NTM: variants seen among roughly 807,000 people sequenced by gnomAD.
NTM encodes the protein neurotrimin.
Under a neutral mutation model 42.1 loss-of-function variants are expected in NTM, and 13 were observed. That is an observed-to-expected ratio of 0.31 (90% confidence interval 0.20 to 0.49). NTM has a LOEUF of 0.49. Among genes scored for constraint, NTM ranks in the 20% least tolerant of loss-of-function variants. The pLI is 0.99. For synonymous variants in NTM, 187 were observed against 179.2 expected (o/e 1.04, Z -0.35); for missense variants, 373 against 452.8 (o/e 0.82, Z 1.60).
At chr11:131,994,969 C>G (rs554372960) in intron 2 of NTM, among the ~76,000 whole-genome samples, 8 of 152,054 alleles carry the variant, frequency 5.3e-5, no homozygotes, top group African/African-American at 1.9e-4. Context: ...TTTGTAATGT[C>G]TTTTATCTGC....
chr11:131,864,353 C>CT (rs2136993779), intron 1 of NTM, among the ~76,000 whole-genome samples: 1 of 152,318 alleles, frequency 6.6e-6, no homozygotes, highest in African/African-American at 2.4e-5. Context: ...CAGGATTCTC[C>CT]TGCTGCTGGA....
chr11:131,842,421 G>A (rs1323028396), intron 1 of NTM, among the ~76,000 whole-genome samples: 1 of 152,148 alleles, frequency 6.6e-6, no homozygotes, highest in African/African-American at 2.4e-5. Context: ...AGTTTTGCAA[G>A]TCGTGGTTTC....
At chr11:132,332,771 C>T (rs565376071) in intron 8 of NTM, 5 of 152,244 alleles carry the variant, frequency 3.3e-5, no homozygotes, top group South Asian at 2.1e-4. Flanking sequence ...ATGGTAACTA[C>T]GCCAGGCCCC....
chr11:131,608,793 T>C (rs2061224289), intron 1 of NTM, among the ~76,000 whole-genome samples: 1 of 152,210 alleles, frequency 6.6e-6, no homozygotes. Context: ...CTTTCTCTGA[T>C]ATTTTCTGGC....
intron 1 of NTM, among the ~76,000 whole-genome samples, chr11:131,723,047 C>T (rs1376517158): frequency 6.6e-6 from 1 of 152,188 alleles, no homozygotes; most frequent in Non-Finnish European, 1.5e-5. Context: ...GTGTGCCATC[C>T]AGGGCCACAT....
intron 7 of NTM, among the ~76,000 whole-genome samples, chr11:132,327,386 C>G (rs889098400): frequency 1.3e-5 from 2 of 152,204 alleles, no homozygotes; most frequent in African/African-American, 4.8e-5. Flanking sequence ...CTAAAGTAAA[C>G]TCTGTATATC....
intron 1 of NTM, among the ~76,000 whole-genome samples, chr11:131,743,874 C>T (rs777606924): frequency 5.3e-5 from 8 of 152,098 alleles, no homozygotes; most frequent in Non-Finnish European, 1.2e-4. Flanking sequence ...CATATTTTAC[C>T]ATTTAGTCTA....
chr11:131,734,068 G>A (rs1263611647), intron 1 of NTM, among the ~76,000 whole-genome samples: 1 of 152,128 alleles, frequency 6.6e-6, no homozygotes, highest in African/African-American at 2.4e-5. Flanking sequence ...AGACTGCAGT[G>A]GGGCACAGAT....
At chr11:132,078,782 T>A (rs2058674833) in intron 2 of NTM, among the ~76,000 whole-genome samples, 1 of 152,252 alleles carries the variant, frequency 6.6e-6, no homozygotes. Flanking sequence ...ACTTAACTCA[T>A]CAAAATGTTG....
rs2086275340 is a variant in NTM at position 132,226,353 on chromosome 11, A to AGATG, written c.526+14206_526+14207insGATG. On this transcript the variant is annotated intron_variant, in intron 4 of 8. Transcript: ENST00000683400. ...ACAGTGTAAATGTTCCTATTTCTCCACATCCTCTCTAGCATCTGTTGTTTC... is the reference window on the plus strand; with the variant it reads ...ACAGTGTAAATGTTCCTATTTCTCCAGATGCATCCTCTCTAGCATCTGTTGTTTC... 2.6e-5 allele frequency among the ~76,000 whole-genome samples: 4 copies of AGATG among 152,156 alleles called. No homozygotes were observed. In the South Asian group the frequency reaches 6.2e-4, roughly 24 times the overall value.
chr11:131,822,535 C>G (rs762535149), intron 1 of NTM, among the ~76,000 whole-genome samples: 2 of 152,158 alleles, frequency 1.3e-5, no homozygotes, highest in Admixed American at 1.3e-4. Context: ...ACAGAGGGAG[C>G]TTTTCTTCCT....
chr11:131,627,087 A>G lies in NTM; in HGVS notation c.82+256199A>G, dbSNP rs552311147. 7.2e-5 allele frequency among the ~76,000 whole-genome samples: 11 copies of G among 152,350 alleles called. No homozygotes were observed. The South Asian group carries it at 2.1e-3, about 29-fold the overall frequency. ...GAGATTAATTGATGCTAAAAGACACAGTTTGATGTGGCAATGAAATTTCGA... is the reference window on the plus strand; with the variant it reads ...GAGATTAATTGATGCTAAAAGACACGGTTTGATGTGGCAATGAAATTTCGA... On this transcript the variant is annotated intron_variant, in intron 1 of 8. Transcript: ENST00000683400.
intron 2 of NTM, among the ~76,000 whole-genome samples, chr11:131,938,071 C>T (rs77452782): frequency 0.075 from 11,365 of 152,222 alleles, 520 homozygotes; most frequent in South Asian, 0.21. Flanking sequence ...GTGCTTACTA[C>T]GCACTGGACA....
At chr11:131,810,004 C>T (rs573139766) in intron 1 of NTM, among the ~76,000 whole-genome samples, 19 of 152,300 alleles carry the variant, frequency 1.2e-4, no homozygotes, top group African/African-American at 4.6e-4. Flanking sequence ...ATTAAAACTC[C>T]CTCCAGATGG....
intron 4 of NTM, among the ~76,000 whole-genome samples, chr11:132,272,276 G>A (rs568375756): frequency 6.6e-6 from 1 of 151,966 alleles, no homozygotes. Flanking sequence ...CTGGATTACT[G>A]TAGCTTTATA....
At chr11:131,894,632 G>T (rs1391962988) in intron 1 of NTM, among the ~76,000 whole-genome samples, 1 of 152,102 alleles carries the variant, frequency 6.6e-6, no homozygotes, top group Non-Finnish European at 1.5e-5. Context: ...AGCACCAGTT[G>T]TGTTTGTTCA....
At chr11:131,845,879 C>T (rs997326520) in intron 1 of NTM, among the ~76,000 whole-genome samples, 1 of 151,950 alleles carries the variant, frequency 6.6e-6, no homozygotes, top group African/African-American at 2.4e-5. Context: ...TGGTATTATC[C>T]TCTTCTGGTT....
At chr11:132,080,791 G>A (rs1458838221) in intron 2 of NTM, among the ~76,000 whole-genome samples, 1 of 152,186 alleles carries the variant, frequency 6.6e-6, no homozygotes, top group African/African-American at 2.4e-5. Context: ...ACTGTGAAAT[G>A]TGCTTGTTTC....
chr11:131,923,638 C>T (rs1366271569), intron 2 of NTM, among the ~76,000 whole-genome samples: 1 of 152,150 alleles, frequency 6.6e-6, no homozygotes, highest in Non-Finnish European at 1.5e-5. Flanking sequence ...CTAATAAACA[C>T]TGGAGAATAA....
Sources: gnomAD v4.1 joint callset for allele counts (sites outside exome capture counted in the v4.1 genomes callset) on GRCh38, gnomAD v4.1.1 for gene constraint, MANE v1.5 for transcripts, NCBI Gene and HGNC (gene_info 2026-07-23, HGNC 2026-07-21) for gene names.